The following ADGRL2 variants were observed in gnomAD, a reference collection of about 807,000 sequenced individuals.
ADGRL2 encodes the protein calcium-independent alpha-latrotoxin receptor 2.
In ADGRL2, 44 loss-of-function variants were observed where a neutral mutation model predicts 157.4. The observed-to-expected ratio is 0.28, with a 90% confidence interval of 0.22 to 0.36. The LOEUF (loss-of-function observed/expected upper bound fraction) is 0.36. ADGRL2 is among the 10% of genes least tolerant of loss of function. The probability of loss-of-function intolerance (pLI) is 1.00; values close to 1 mark genes in which losing one functional copy is unlikely to be tolerated. For synonymous variants in ADGRL2, 585 were observed against 624.7 expected (o/e 0.94, Z 0.95); for missense variants, 1,510 against 1,768.9 (o/e 0.85, Z 2.63).
At chr1:81,422,465 G>A (rs1402343772) in intron 1 of ADGRL2, among the ~76,000 whole-genome samples, 6 of 152,114 alleles carry the variant, frequency 3.9e-5, no homozygotes, top group South Asian at 4.1e-4. Context: ...GGCTGGTCTC[G>A]AACTCCTGAC....
chr1:81,935,951 T>G (rs1407714724), intron 3 of ADGRL2, among the ~76,000 whole-genome samples: 1 of 151,904 alleles, frequency 6.6e-6, no homozygotes, highest in Non-Finnish European at 1.5e-5. Flanking sequence ...AGGCATCATG[T>G]TAGTACAACA....
chr1:81,350,697 C>T (rs1175592689), intron 1 of ADGRL2, among the ~76,000 whole-genome samples: 1 of 152,134 alleles, frequency 6.6e-6, no homozygotes, highest in Non-Finnish European at 1.5e-5. Context: ...GGTTGTGATA[C>T]TTGACAGATT....
At chr1:81,525,533 G>A (rs1457386722) in intron 2 of ADGRL2, among the ~76,000 whole-genome samples, 2 of 152,158 alleles carry the variant, frequency 1.3e-5, no homozygotes, top group Non-Finnish European at 2.9e-5. Context: ...GACCAGGCTG[G>A]TCTTGAACTC....
At chr1:81,319,519 CA>C (rs1660357541) in intron 1 of ADGRL2, among the ~76,000 whole-genome samples, 1 of 152,048 alleles carries the variant, frequency 6.6e-6, no homozygotes, top group Non-Finnish European at 1.5e-5. Context: ...CCCAATAGGC[CA>C]ATGGGTCAAA....
chr1:81,787,699 G>T (rs1443525156), intron 2 of ADGRL2, among the ~76,000 whole-genome samples: 3 of 151,826 alleles, frequency 2.0e-5, no homozygotes, highest in Non-Finnish European at 4.4e-5. Flanking sequence ...ATAGAAGAGT[G>T]GTGGGAAGTG....
At chr1:81,623,816 T>C (rs2081850929) in intron 3 of ADGRL2, among the ~76,000 whole-genome samples, 2 of 152,010 alleles carry the variant, frequency 1.3e-5, no homozygotes, top group Admixed American at 1.3e-4. Flanking sequence ...TTTGTATTTT[T>C]AGTAGAGACG....
chr1:81,427,670 G>C (rs1046280988), intron 1 of ADGRL2: 2 of 501,190 alleles, frequency 4.0e-6, no homozygotes, highest in Non-Finnish European at 7.3e-6. Flanking sequence ...TGTTAGGAAA[G>C]CTGGAGGTTA....
chr1:81,839,975 C>T (rs1405750939), intron 2 of ADGRL2, among the ~76,000 whole-genome samples: 1 of 117,726 alleles, frequency 8.5e-6, no homozygotes, highest in Non-Finnish European at 2.0e-5. Flanking sequence ...ACACACACAT[C>T]ACAGTTCCTT....
intron 1 of ADGRL2, chr1:81,721,942 A>G (rs2084339335): frequency 1.5e-6 from 1 of 657,080 alleles, no homozygotes; most frequent in Non-Finnish European, 2.8e-6. Context: ...CTAGAAGTTG[A>G]TAATGAATGG....
chr1:81,434,351 T>G (rs933081639), intron 1 of ADGRL2, among the ~76,000 whole-genome samples: 2 of 152,246 alleles, frequency 1.3e-5, no homozygotes, highest in Non-Finnish European at 2.9e-5. Context: ...TATTCTATTT[T>G]ATGTTTCTTC....
intron 2 of ADGRL2, among the ~76,000 whole-genome samples, chr1:81,472,681 A>C (rs564094362): frequency 3.3e-5 from 5 of 152,310 alleles, no homozygotes; most frequent in African/African-American, 1.2e-4. Flanking sequence ...TCTTGCATTT[A>C]ATCTCTAGTC....
intron 2 of ADGRL2, among the ~76,000 whole-genome samples, chr1:81,903,799 T>G (rs1051784700): frequency 7.5e-6 from 1 of 132,754 alleles, no homozygotes; most frequent in South Asian, 2.5e-4. Flanking sequence ...TATATATATA[T>G]ACACATTTTA....
intron 2 of ADGRL2, among the ~76,000 whole-genome samples, chr1:81,498,129 G>A (rs750104653): frequency 3.3e-5 from 5 of 152,144 alleles, no homozygotes; most frequent in Non-Finnish European, 7.3e-5. Context: ...GTAGATGGAT[G>A]GTAAAGAAGA....
At chr1:81,771,508 G>A (rs1254214553) in intron 2 of ADGRL2, among the ~76,000 whole-genome samples, 4 of 151,984 alleles carry the variant, frequency 2.6e-5, no homozygotes, top group Non-Finnish European at 4.4e-5. Context: ...AGGAGTGCAA[G>A]GAAAATTGCA....
chr1:81,503,216 C>G, intron 2 of ADGRL2: 3 of 1,614,202 alleles, frequency 1.9e-6, no homozygotes, highest in Non-Finnish European at 2.5e-6. Context: ...GAAGACAGAG[C>G]AGAGGCCTCG....
chr1:81,564,626 A>G lies in ADGRL2; in HGVS notation c.-247-16250A>G, dbSNP rs556985839. Among the ~76,000 whole-genome samples the G allele has an allele frequency of 3.9e-5, 6 of 152,264 alleles. No individual in the cohort carries two copies. The East Asian group carries it at 1.2e-3, about 29-fold the overall frequency. On this transcript the variant is annotated intron_variant, in intron 2 of 24. Coordinates refer to the ADGRL2 transcript ENST00000370721. ...AAGACAGAAGCCAGAGTCTTTTTAT[A>G]GTCTTATCTCAGAAGTGACATCTCA...
chr1:81,918,127 G>C (rs2094900452), intron 3 of ADGRL2, among the ~76,000 whole-genome samples: 1 of 152,104 alleles, frequency 6.6e-6, no homozygotes, highest in Admixed American at 6.6e-5. Context: ...AGGTTTAGTG[G>C]AGTTATTTTT....
In ADGRL2 at chr1:81,981,935, G is replaced by A. The variant is rs776121970; in HGVS notation, c.3241G>A (p.Gly1081Arg). ...CTTCACTATATTTAATGCTTTCCAG[G>A]GAGTGTTCATTTTCATCTTTCACTG... ...YLFTIFNAFQ[G>R]VFIFIFHCAL... The change falls in exon 19 of 24, where the codon GGA (glycine) becomes AGA (arginine). Residue 1081 changes from glycine to arginine, a missense_variant. Coordinates refer to ENST00000686636, the MANE Select transcript of ADGRL2 (RefSeq NM_001366006.2). 1 of 1,612,084 alleles carries A rather than the reference G, an allele frequency of 6.2e-7. No homozygotes were observed. Among genetic ancestry groups the A allele is most frequent in the South Asian group, 1.1e-5 (1 of 90,976 alleles).
At chr1:81,468,565 A>G (rs1172594226) in intron 2 of ADGRL2, among the ~76,000 whole-genome samples, 1 of 152,228 alleles carries the variant, frequency 6.6e-6, no homozygotes, top group Non-Finnish European at 1.5e-5. Context: ...AAGAAGGGCA[A>G]AACGTATTAT....
Sources: allele counts gnomAD v4.1 joint callset (sites outside exome capture counted in the v4.1 genomes callset), GRCh38; gene constraint gnomAD v4.1.1; transcripts MANE v1.5; gene names NCBI Gene and HGNC (gene_info 2026-07-23, HGNC 2026-07-21).